The following MUC4 variants were observed in gnomAD, a reference collection of about 807,000 sequenced individuals.
MUC4 encodes mucin 4, cell surface associated.
In MUC4, 202 loss-of-function variants were observed where a neutral mutation model predicts 257.9. The observed-to-expected ratio is 0.78, with a 90% confidence interval of 0.70 to 0.88. The LOEUF (loss-of-function observed/expected upper bound fraction) is 0.88. Among genes scored for constraint, MUC4 ranks in the 40% least tolerant of loss-of-function variants. The pLI, the probability that MUC4 is intolerant of heterozygous loss-of-function variation, is 0.00. For missense variants in MUC4, 5,976 were observed against 6,513.7 expected (o/e 0.92, Z 2.84); for synonymous variants, 2,351 against 2,757.1 (o/e 0.85, Z 4.62).
chr3:195,788,835 G>T lies in MUC4; in HGVS notation c.2745C>A (p.Thr915=), dbSNP rs761141480. 4 of 1,613,814 alleles carry T rather than the reference G, an allele frequency of 2.5e-6. No homozygotes were observed. The highest frequency in any genetic ancestry group is 1.3e-5 in the African/African-American group (1 of 74,896). The stretch of plus-strand genomic sequence containing the variant: ...GGCTGATAGTGTCAGACCCTCTGCT[G>T]GTTCTTGTCCTCTGAGTCTGGGCCA... ...SRMAQTQRTR[T]SRGSDTISLA... The change falls in exon 2 of 25, where the codon ACC becomes ACA. Residue 915 remains threonine (T), a synonymous_variant. Coordinates refer to ENST00000463781, the MANE Select transcript of MUC4 (RefSeq NM_018406.7).
At position 195,755,851 on chromosome 3, in the gene MUC4, G is replaced by A. The variant is rs1447042114; in HGVS notation, c.15168+1296C>T. Among the ~76,000 whole-genome samples the A allele has an allele frequency of 6.6e-6, 1 of 152,014 alleles. No individual in the cohort carries two copies. Among genetic ancestry groups the A allele is most frequent in the Non-Finnish European group, 1.5e-5 (1 of 67,980 alleles). On this transcript the variant is annotated intron_variant, in intron 18 of 24. Coordinates refer to ENST00000463781, the MANE Select transcript of MUC4 (RefSeq NM_018406.7). This position sits in a 1 kb window ranked among gnomAD's most constrained non-coding sequence, Gnocchi z 5.0. Reference sequence around the variant, plus strand: ...TTCTCTGCTCATGCTTCAGAAGGATGTGTGTGTGTGTCTGTGTGTGCGTGT... The same window carrying A: ...TTCTCTGCTCATGCTTCAGAAGGATATGTGTGTGTGTCTGTGTGTGCGTGT...
In MUC4 at chr3:195,787,800, A is replaced by G; in HGVS notation, c.3780T>C (p.Gly1260=). The part of the protein sequence containing the change: ...PVTDTSSAST[G]QATSLLVTDT... Reference sequence around the variant, plus strand: ...CGGTGACAAGAAGAGAGGTGGCCTGACCTGTGGATGCTGAGGAAGTGTCGG... The same window carrying G: ...CGGTGACAAGAAGAGAGGTGGCCTGGCCTGTGGATGCTGAGGAAGTGTCGG... The change falls in exon 2 of 25, where the codon GGT becomes GGC. Residue 1260 remains glycine, a synonymous_variant. Transcript: ENST00000463781. 3.3e-6 allele frequency: 2 copies of G among 613,108 alleles called. No individual in the cohort carries two copies. The highest frequency in any genetic ancestry group is 8.5e-5 in the African/African-American group (1 of 11,732). The allele number at this position is 613,108 out of a possible 1,614,324, so 38.0% of individuals were successfully genotyped here. A position where few individuals can be genotyped will look rare whatever the true frequency, so the allele number is the denominator to read the frequency against.
rs1180325567 is a variant in MUC4 at position 195,784,686 on chromosome 3, G to A, written c.6894C>T (p.Ser2298=). The part of the protein sequence containing the change: ...PLPVTSPSSA[S]TGHATPLHVT... ...CATGAAGAGGGGTGGCGTGACCTGT[G>A]GATGCTGAGGAAGGGCTAGTGACAG... The change falls in exon 2 of 25, where the codon TCC becomes TCT. Residue 2298 remains serine, a synonymous_variant. Coordinates refer to ENST00000463781, the MANE Select transcript of MUC4 (RefSeq NM_018406.7). 1.4e-6 allele frequency: 2 copies of A among 1,447,660 alleles called. No homozygotes were observed. Among genetic ancestry groups the A allele is most frequent in the African/African-American group, 1.9e-5 (1 of 51,754 alleles). 89.7% of individuals were successfully genotyped at this position (1,447,660 alleles called of 1,614,324 possible). A position where few individuals can be genotyped will look rare whatever the true frequency, so the allele number is the denominator to read the frequency against.
intron 23 of MUC4, chr3:195,750,472 C>T (rs2880894): frequency 5.8e-4 from 152 of 262,408 alleles, no homozygotes; most frequent in African/African-American, 1.2e-3. Flanking sequence ...CAGGGTGACA[C>T]CATTTCAGGG....
At chr3:195,767,482 A>ACCACCACCATCACCATCG in intron 7 of MUC4, among the ~76,000 whole-genome samples, 1 of 144,870 alleles carries the variant, frequency 6.9e-6, no homozygotes, top group Non-Finnish European at 1.5e-5. Context: ...CATCACCATC[A>ACCACCACCATCACCATCG]CCACCACCAT....
At position 195,760,898 on chromosome 3, in the gene MUC4, G is replaced by C; in HGVS notation, c.14834C>G (p.Ala4945Gly). ...GGGCCACTTACTGAGGGTGGCGTTC[G>C]CCTGCTCGTAGTTTTTACTGACTTC... Reference protein sequence around the residue: ...TREVSKNYEQANATLNQYPPS... With the variant: ...TREVSKNYEQGNATLNQYPPS... The change falls in exon 16 of 25, where the codon GCG (alanine) becomes GGG (glycine). Residue 4945 changes from alanine to glycine, a missense_variant. Ala to Gly is a moderately conservative substitution (Grantham distance 60, BLOSUM62 0). Around this residue, in one of 44 missense-constraint regions of MUC4, gnomAD observed 996 missense variants for 1,137.3 expected, o/e 0.88. Coordinates refer to ENST00000463781, the MANE Select transcript of MUC4 (RefSeq NM_018406.7). The C allele has an allele frequency of 6.2e-7, 1 of 1,614,096 alleles. No individual in the cohort carries two copies. Among genetic ancestry groups the C allele is most frequent in the East Asian group, 2.2e-5 (1 of 44,892 alleles).
At position 195,786,673 on chromosome 3, in the gene MUC4, G is replaced by A; in HGVS notation, c.4907C>T (p.Thr1636Ile). The A allele has an allele frequency of 6.5e-7, 1 of 1,537,816 alleles. No homozygotes were observed. The highest frequency in any genetic ancestry group is 8.8e-7 in the Non-Finnish European group (1 of 1,138,424). Reference protein sequence around the residue: ...STGDTTPLPVTNASSLSTGHA... With the variant: ...STGDTTPLPVINASSLSTGHA... ...ACCTGTGGATAATGAGGAAGCATTG[G>A]TGACAGGAAGAGGGGTGGTGTCACC... The change falls in exon 2 of 25, where the codon ACC becomes ATC. Residue 1636 changes from threonine (T) to isoleucine (I), a missense_variant. By Grantham distance (89) the Thr-to-Ile change is moderately conservative. Around this residue, in one of 44 missense-constraint regions of MUC4, gnomAD observed 61 missense variants for 100.2 expected, o/e 0.61. Coordinates refer to ENST00000463781, the MANE Select transcript of MUC4 (RefSeq NM_018406.7).
intron 1 of MUC4, among the ~76,000 whole-genome samples, chr3:195,801,529 G>A (rs534931620): frequency 6.6e-6 from 1 of 152,060 alleles, no homozygotes; most frequent in East Asian, 1.9e-4. Context: ...TCTCCTGCCT[G>A]TGAGCATGTT....
At chr3:195,800,524 C>T (rs1735163935) in intron 1 of MUC4, among the ~76,000 whole-genome samples, 1 of 152,190 alleles carries the variant, frequency 6.6e-6, no homozygotes, top group South Asian at 2.1e-4. Flanking sequence ...TACGACAAAA[C>T]TACAGTTATT....
rs200848288 is a variant in MUC4, at chr3:195,759,473, TC to T, written c.14849-213del. On this transcript the variant is annotated intron_variant, in intron 16 of 24. Transcript: ENST00000463781. ...TAGCCAAATCTTTAGCCTCTTTCTC[TC>T]CCCCCACCTCCTCAAAAAGAGCTCC... is the stretch of plus-strand genomic sequence containing the variant. Among the ~76,000 whole-genome samples the T allele has an allele frequency of 3.5e-4, 53 of 152,006 alleles. No homozygotes were observed. The East Asian group carries it at 9.5e-3, about 27-fold the overall frequency.
At chr3:195,759,477 C>T (rs1410176061) in intron 16 of MUC4, among the ~76,000 whole-genome samples, 3 of 152,144 alleles carry the variant, frequency 2.0e-5, no homozygotes, top group African/African-American at 2.4e-5. Flanking sequence ...TTTCTCTCCC[C>T]CCACCTCCTC....
intron 20 of MUC4, 39 bp downstream of exon 20, chr3:195,753,012 A>G (rs1342631715): frequency 1.3e-6 from 2 of 1,559,976 alleles, no homozygotes; most frequent in Non-Finnish European, 1.7e-6. Flanking sequence ...GGGGCCCAGG[A>G]AGAGTGCGGG....
At chr3:195,809,630 C>G (rs1228200651) in intron 1 of MUC4, 1 of 152,578 alleles carries the variant, frequency 6.6e-6, no homozygotes, top group Non-Finnish European at 1.5e-5. Flanking sequence ...TGCACACCAA[C>G]AGTCCTTCAC....
rs756126680 is a variant in MUC4, at chr3:195,781,062, A to T, written c.10518T>A (p.Pro3506=). ...TGGATGCTGAGGAAGCGCCGGTGAC[A>T]GGAAGAGTGCTGGTGTCACCTGTGG... ...SASTGDTSTL[P]VTGASSASTG... The change falls in exon 2 of 25, where the codon CCT becomes CCA. Residue 3506 remains proline (P), a synonymous_variant. Coordinates refer to ENST00000463781, the MANE Select transcript of MUC4 (RefSeq NM_018406.7). 7 of 1,497,390 alleles carry T rather than the reference A, an allele frequency of 4.7e-6. No individual in the cohort carries two copies. In the South Asian group the frequency reaches 7.3e-5, roughly 16 times the overall value. 92.8% of individuals were successfully genotyped at this position (1,497,390 alleles called of 1,614,324 possible). A position where few individuals can be genotyped will look rare whatever the true frequency, so the allele number is the denominator to read the frequency against.
In MUC4 at chr3:195,751,271, C is replaced by G. The variant is rs1156382718; in HGVS notation, c.15583G>C (p.Val5195Leu). The G allele has an allele frequency of 6.2e-7, 1 of 1,604,022 alleles. No individual in the cohort carries two copies. The highest frequency in any genetic ancestry group is 1.3e-5 in the African/African-American group (1 of 74,742). Residue 5195 changes from valine (V) to leucine (L), a missense_variant and splice_region_variant, in exon 22 of 25, where the codon GTG (valine) becomes CTG (leucine). Val to Leu is a conservative substitution (Grantham distance 32, BLOSUM62 1). Around this residue, in one of 44 missense-constraint regions of MUC4, gnomAD observed 996 missense variants for 1,137.3 expected, o/e 0.88. Coordinates refer to ENST00000463781, the MANE Select transcript of MUC4 (RefSeq NM_018406.7). ...NASMAEVNAS[V>L]AYRLGTLDMR... Reference sequence around the variant, plus strand: ...TCCAGGGTCCCCAGTCTGTATGCCACCTAGGTTAGAGGATGGCAGATGGGG... The same window carrying G: ...TCCAGGGTCCCCAGTCTGTATGCCAGCTAGGTTAGAGGATGGCAGATGGGG...
chr3:195,810,024 T>A lies in MUC4; in HGVS notation c.82+1712A>T, dbSNP rs1199198150. The A allele has an allele frequency of 6.6e-6, 1 of 152,014 alleles. No individual in the cohort carries two copies. Among genetic ancestry groups the A allele is most frequent in the Non-Finnish European group, 1.5e-5 (1 of 68,068 alleles). 9.4% of individuals were successfully genotyped at this position (152,014 alleles called of 1,614,324 possible). Reference sequence around the variant, plus strand: ...TCCCGTGGAGACTCCTTCAACCACATCTGCAGGGCAGGGCCGTGTGGCGGC... The same window carrying A: ...TCCCGTGGAGACTCCTTCAACCACAACTGCAGGGCAGGGCCGTGTGGCGGC... On this transcript the variant is annotated intron_variant, in intron 1 of 24. Transcript: ENST00000463781. This position sits in a 1 kb window ranked among gnomAD's most constrained non-coding sequence, Gnocchi z 4.2.
chr3:195,764,962 C>T lies in MUC4; in HGVS notation c.13924+35G>A, dbSNP rs755228708. On this transcript the variant is annotated intron_variant, in intron 10 of 24. Transcript: ENST00000463781. ...TCATGCTGAGGGTCCCCTACTTGGC[C>T]GGGAAGGTGGGGTTGAGATCACGGA... is the stretch of plus-strand genomic sequence containing the variant. 1.1e-5 allele frequency: 18 copies of T among 1,605,674 alleles called. No homozygotes were observed. In the Admixed American group the frequency reaches 1.5e-4, roughly 13 times the overall value.
rs1730441030 is a variant in MUC4, at chr3:195,784,608, G to GTCA, written c.6971_6972insTGA (p.Thr2324_Ser2325insAsp). 7.9e-7 allele frequency: 1 copy of GTCA among 1,262,774 alleles called. No homozygotes were observed. The highest frequency in any genetic ancestry group is 3.1e-5 in the African/African-American group (1 of 32,638). The allele number at this position is 1,262,774 out of a possible 1,614,324, so 78.2% of individuals were successfully genotyped here. On this transcript the variant is annotated inframe_insertion, in exon 2 of 25. Transcript: ENST00000463781. ...CACCTGTGGATGCTGAGGAAAGGCT[G>GTCA]GTGACAGGAAGAGGGGTGGCGTGAC... is the stretch of plus-strand genomic sequence containing the variant.
Position 195,800,812 on chromosome 3 carries a change from G to A in MUC4, c.83-9315C>T, listed in dbSNP as rs115543397. ...TAGCTCATGCCTAAAATCCCAGCAC[G>A]GACAGGCAGAGGCGGGAGGATTCCT... On this transcript the variant is annotated intron_variant, in intron 1 of 24. Coordinates refer to ENST00000463781, the MANE Select transcript of MUC4 (RefSeq NM_018406.7). Among the ~76,000 whole-genome samples, 911 of 151,090 alleles carry A rather than the reference G, an allele frequency of 6.0e-3. 10 individuals carry two copies. The highest frequency in any genetic ancestry group is 0.021 in the African/African-American group (868 of 41,034).
Sources: allele counts gnomAD v4.1 joint callset (sites outside exome capture counted in the v4.1 genomes callset), GRCh38; gene constraint gnomAD v4.1.1; regional missense constraint gnomAD v4.1.1; non-coding constraint Gnocchi (gnomAD v3.1); transcripts MANE v1.5; gene names NCBI Gene and HGNC (gene_info 2026-07-23, HGNC 2026-07-21).